Variants in CUX1 observed in about 807,000 individuals in gnomAD.
CUX1 encodes the protein protein CASP.
Under a neutral mutation model 158.8 loss-of-function variants are expected in CUX1, and 31 were observed. The observed-to-expected ratio is 0.20, with a 90% CI of 0.15 to 0.26. CUX1 has a LOEUF of 0.26. Ranked by LOEUF, CUX1 falls within the 10% of genes least tolerant of loss-of-function variation. CUX1 has a pLI of 1.00. For missense variants in CUX1, 1,589 were observed against 2,014.6 expected (o/e 0.79, Z 4.04); for synonymous variants, 879 against 862.1 (o/e 1.02, Z -0.34).
chr7:101,818,670 A>G (rs992993084), intron 1 of CUX1, among the ~76,000 whole-genome samples: 3 of 152,202 alleles, frequency 2.0e-5, no homozygotes, highest in African/African-American at 7.2e-5. Flanking sequence ...GGTGGTTGCT[A>G]ACGATTTGGC....
At position 102,046,672 on chromosome 7, in the gene CUX1, G is replaced by C. The variant is rs1304747096; in HGVS notation, c.189+18527G>C. On this transcript the variant is annotated intron_variant, in intron 3 of 23. Transcript: ENST00000292535. ...GCTCACTGCAGCCTGGACCTCCTGG[G>C]CTCAAGCAGCCCTCCAGCCTCAGCC... Among the ~76,000 whole-genome samples, 3 of 145,480 alleles carry C rather than the reference G, an allele frequency of 2.1e-5. No homozygotes were observed. In the Admixed American group the frequency reaches 2.1e-4, roughly 10 times the overall value.
intron 18 of CUX1, 84 bp downstream of exon 18, chr7:102,202,288 C>G: frequency 6.7e-7 from 1 of 1,502,036 alleles, no homozygotes; most frequent in Non-Finnish European, 8.9e-7. Flanking sequence ...GCCTGTGACC[C>G]TCACCCATTT....
intron 20 of CUX1, among the ~76,000 whole-genome samples, chr7:102,214,801 G>A (rs1380435090): frequency 2.0e-5 from 3 of 152,224 alleles, no homozygotes; most frequent in Non-Finnish European, 2.9e-5. Context: ...GGCTTCCATC[G>A]GGGCCTCCTC....
chr7:101,953,489 T>C (rs926212210), intron 2 of CUX1, among the ~76,000 whole-genome samples: 1 of 152,176 alleles, frequency 6.6e-6, no homozygotes, highest in African/African-American at 2.4e-5. Flanking sequence ...TTAAAGGTAT[T>C]TGTGGCAGCT....
At chr7:102,146,713 C>T (rs440373) in intron 8 of CUX1, among the ~76,000 whole-genome samples, 30,861 of 151,876 alleles carry the variant, frequency 0.2, 5,064 homozygotes, top group African/African-American at 0.45. Context: ...TTCTGCCACC[C>T]CAGCCTCCTT....
intron 17 of CUX1, among the ~76,000 whole-genome samples, 179 bp downstream of exon 17, chr7:102,200,351 C>CT (rs1203116907): frequency 6.6e-5 from 10 of 151,262 alleles, no homozygotes; most frequent in East Asian, 1.9e-4. Flanking sequence ...TAATAGTTAC[C>CT]TTTTTTTTTG....
intron 4 of CUX1, among the ~76,000 whole-genome samples, chr7:102,072,297 G>A (rs1826216397): frequency 6.6e-6 from 1 of 152,180 alleles, no homozygotes; most frequent in Non-Finnish European, 1.5e-5. Context: ...TAAATGAAGT[G>A]GTGGCCCTCA....
intron 1 of CUX1, among the ~76,000 whole-genome samples, 182 bp from the exon 2 acceptor site, chr7:101,915,933 G>C (rs1804141085): frequency 6.6e-6 from 1 of 150,808 alleles, no homozygotes; most frequent in Non-Finnish European, 1.5e-5. Context: ...ACGTGGGATG[G>C]GGGGATAATG....
chr7:102,270,010 C>A (rs1262820320), intron 14 of CUX1, among the ~76,000 whole-genome samples: 1 of 152,246 alleles, frequency 6.6e-6, no homozygotes, highest in African/African-American at 2.4e-5. Context: ...CAGGCCCGGG[C>A]CTCCCCACCT....
rs1554542389 is a variant in CUX1 at position 102,257,334 on chromosome 7, G to A, written c.*8292G>A. On this transcript the variant is annotated 3_prime_UTR_variant, in exon 24 of 24. Coordinates refer to ENST00000292535, the MANE Select transcript of CUX1 (RefSeq NM_181552.4). ...TTTTTTTTTCATTTTTCTCTAATTAGTCTATGCATTTCTCTCTCTCAAACC... is the reference window on the plus strand; with the variant it reads ...TTTTTTTTTCATTTTTCTCTAATTAATCTATGCATTTCTCTCTCTCAAACC... 1 of 980,310 alleles carries A rather than the reference G, an allele frequency of 1.0e-6. No individual in the cohort carries two copies. The highest frequency in any genetic ancestry group is 1.8e-5 in the African/African-American group (1 of 55,486). The allele number at this position is 980,310 out of a possible 1,614,324, so 60.7% of individuals were successfully genotyped here. A position where few individuals can be genotyped will look rare whatever the true frequency, so the allele number is the denominator to read the frequency against.
chr7:102,282,964 C>CT, intron 22 of CUX1: 1 of 1,326,348 alleles, frequency 7.5e-7, no homozygotes, highest in Non-Finnish European at 1.1e-6. Flanking sequence ...ACATGGTACA[C>CT]ACCCCCCTTC....
intron 2 of CUX1, among the ~76,000 whole-genome samples, chr7:101,994,011 G>A (rs1462080391): frequency 6.6e-6 from 1 of 152,162 alleles, no homozygotes; most frequent in African/African-American, 2.4e-5. Context: ...GAGCCCATCT[G>A]TCTCCACACA....
At chr7:101,984,129 TACAC>T (rs56087090) in intron 2 of CUX1, among the ~76,000 whole-genome samples, 12 of 28,970 alleles carry the variant, frequency 4.1e-4, no homozygotes, top group South Asian at 1.6e-3. Flanking sequence ...TATATATATA[TACAC>T]ACACACATAT....
chr7:102,234,249 C>T lies in CUX1; in HGVS notation c.3622+9C>T, dbSNP rs1799301837. On this transcript the variant is annotated intron_variant, in intron 22 of 23. Transcript: ENST00000292535. ...ACGGATGGAGAAGAAAGGTAAGTCT[C>T]CCTGCCCCGCCCGGGCCGGCTGCGT... 6.6e-7 allele frequency: 1 copy of T among 1,512,438 alleles called. No homozygotes were observed. Among genetic ancestry groups the T allele is most frequent in the Non-Finnish European group, 8.9e-7 (1 of 1,128,428 alleles). 93.7% of individuals were successfully genotyped at this position (1,512,438 alleles called of 1,614,324 possible).
At chr7:102,067,398 C>T (rs1204143662) in intron 3 of CUX1, among the ~76,000 whole-genome samples, 5 of 151,638 alleles carry the variant, frequency 3.3e-5, no homozygotes, top group African/African-American at 4.8e-5. Context: ...CCACCATGCC[C>T]GGCTAATTTT....
chr7:101,826,588 G>A (rs993499262), intron 1 of CUX1, among the ~76,000 whole-genome samples: 8 of 152,316 alleles, frequency 5.3e-5, no homozygotes, highest in African/African-American at 1.2e-4. Flanking sequence ...GTGGCTTCCC[G>A]CCTAGAGGGC....
At chr7:101,945,406 C>T (rs2129145479) in intron 2 of CUX1, among the ~76,000 whole-genome samples, 1 of 152,288 alleles carries the variant, frequency 6.6e-6, no homozygotes, top group African/African-American at 2.4e-5. Context: ...ATTGCGAGTA[C>T]ATTTCCTCGC....
At chr7:102,024,884 G>C (rs903130971) in intron 2 of CUX1, among the ~76,000 whole-genome samples, 2 of 152,180 alleles carry the variant, frequency 1.3e-5, no homozygotes, top group East Asian at 3.8e-4. Flanking sequence ...AACCTGCCAT[G>C]CGCCGAGTGG....
intron 1 of CUX1, among the ~76,000 whole-genome samples, chr7:101,886,500 C>T (rs1005960774): frequency 2.6e-5 from 4 of 152,152 alleles, no homozygotes; most frequent in Admixed American, 6.5e-5. Flanking sequence ...TATGCTCGGC[C>T]GGCACCCACC....
Sources: allele counts gnomAD v4.1 joint callset (sites outside exome capture counted in the v4.1 genomes callset), GRCh38; gene constraint gnomAD v4.1.1; transcripts MANE v1.5; gene names NCBI Gene and HGNC (gene_info 2026-07-23, HGNC 2026-07-21).